ZNF407: variants seen among roughly 807,000 people sequenced by gnomAD.
The protein encoded by ZNF407 is zinc finger protein 407.
In ZNF407, 17 loss-of-function variants were observed where a neutral mutation model predicts 131.2. The ratio of observed to expected loss-of-function variants is 0.13; its 90% CI spans 0.09 to 0.19. The LOEUF is 0.19. Ranked by LOEUF, ZNF407 falls within the 10% of genes least tolerant of loss-of-function variation. The probability of loss-of-function intolerance (pLI) is 1.00; values close to 1 mark genes in which losing one functional copy is unlikely to be tolerated. For synonymous variants in ZNF407, 1,156 were observed against 1,062.0 expected (o/e 1.09, Z -1.72); for missense variants, 2,681 against 2,830.6 (o/e 0.95, Z 1.20).
intron 3 of ZNF407, among the ~76,000 whole-genome samples, chr18:74,685,263 A>G (rs1224614204): frequency 2.6e-5 from 4 of 152,198 alleles, no homozygotes; most frequent in Admixed American, 6.5e-5. Flanking sequence ...AGGAATTCAG[A>G]ATTGATATAA....
At chr18:74,783,812 TA>T (rs1421428576) in intron 4 of ZNF407, among the ~76,000 whole-genome samples, 2 of 152,222 alleles carry the variant, frequency 1.3e-5, no homozygotes, top group Non-Finnish European at 1.5e-5. Flanking sequence ...AACATTCTTC[TA>T]AACCAAACGT....
chr18:74,925,007 G>A (rs999211298), intron 8 of ZNF407, among the ~76,000 whole-genome samples: 1 of 152,132 alleles, frequency 6.6e-6, no homozygotes, highest in Non-Finnish European at 1.5e-5. Flanking sequence ...TTCTCTCTGA[G>A]ACCTTAAATG....
rs573538686 is a variant in ZNF407, at chr18:74,914,506, T to G, written c.5250-6008T>G. Reference sequence around the variant, plus strand: ...GCCCAGGAATAGCTTTTACCAACTCTCTGACTTCCCAGGTGAAGATTTTGT... The same window carrying G: ...GCCCAGGAATAGCTTTTACCAACTCGCTGACTTCCCAGGTGAAGATTTTGT... On this transcript the variant is annotated intron_variant, in intron 7 of 8. Transcript: ENST00000299687. 4.6e-5 allele frequency among the ~76,000 whole-genome samples: 7 copies of G among 152,292 alleles called. No individual in the cohort carries two copies. The East Asian group carries it at 1.4e-3, about 29-fold the overall frequency.
At chr18:75,053,750 C>A (rs912310238) in intron 8 of ZNF407, among the ~76,000 whole-genome samples, 3 of 152,236 alleles carry the variant, frequency 2.0e-5, no homozygotes, top group African/African-American at 4.8e-5. Flanking sequence ...CCCACTCGGT[C>A]CTGCCGTGTG....
At chr18:74,805,021 T>C (rs935552510) in intron 4 of ZNF407, among the ~76,000 whole-genome samples, 2 of 152,210 alleles carry the variant, frequency 1.3e-5, no homozygotes, top group Non-Finnish European at 2.9e-5. Context: ...GCAATTGACA[T>C]TATGTGCACA....
At chr18:75,012,996 A>G (rs1379930765) in intron 8 of ZNF407, among the ~76,000 whole-genome samples, 1 of 150,830 alleles carries the variant, frequency 6.6e-6, no homozygotes, top group Non-Finnish European at 1.5e-5. Context: ...AACGTGTGTC[A>G]CTATGATAAC....
In ZNF407 at chr18:74,703,424, T is replaced by C. The variant is rs962204724; in HGVS notation, c.4802+62302T>C. Among the ~76,000 whole-genome samples the C allele has an allele frequency of 6.6e-6, 1 of 152,134 alleles. No homozygotes were observed. Among genetic ancestry groups the C allele is most frequent in the Non-Finnish European group, 1.5e-5 (1 of 68,024 alleles). On this transcript the variant is annotated intron_variant, in intron 3 of 8. Transcript: ENST00000299687. This position sits in a 1 kb window ranked among gnomAD's most constrained non-coding sequence, Gnocchi z 4.1. ...TCTTGTTGCCCAGGCTGGAGTGCAATGGTGCAATCTCGGCTCACCGCAACC... is the reference window on the plus strand; with the variant it reads ...TCTTGTTGCCCAGGCTGGAGTGCAACGGTGCAATCTCGGCTCACCGCAACC...
intron 7 of ZNF407, among the ~76,000 whole-genome samples, chr18:74,907,791 GGT>G (rs1235274774): frequency 6.6e-6 from 1 of 152,134 alleles, no homozygotes; most frequent in East Asian, 1.9e-4. Context: ...AACTTTCAAG[GGT>G]GTGTGTATAT....
chr18:74,800,741 C>T (rs1490013192), intron 4 of ZNF407, among the ~76,000 whole-genome samples: 8 of 152,014 alleles, frequency 5.3e-5, no homozygotes, highest in African/African-American at 1.9e-4. Context: ...TAGTTTGCTT[C>T]CTAGGTAGAA....
chr18:75,023,514 C>T (rs953329074), intron 8 of ZNF407, among the ~76,000 whole-genome samples: 3 of 152,036 alleles, frequency 2.0e-5, no homozygotes, highest in Admixed American at 6.6e-5. Context: ...TAATAACTAC[C>T]TGTCTAAGTA....
intron 8 of ZNF407, among the ~76,000 whole-genome samples, chr18:75,020,686 A>G (rs771229842): frequency 2.3e-4 from 35 of 152,316 alleles, no homozygotes; most frequent in Non-Finnish European, 2.5e-4. Context: ...CCCATTCACA[A>G]TTGTAACAAA....
chr18:74,950,554 AG>A (rs574912740), intron 8 of ZNF407, among the ~76,000 whole-genome samples: 91 of 152,328 alleles, frequency 6.0e-4, no homozygotes, highest in Non-Finnish European at 1.1e-3. Context: ...CTCTTATCCA[AG>A]GAAGGAGAAA....
intron 1 of ZNF407, among the ~76,000 whole-genome samples, chr18:74,625,373 C>T (rs1028372925): frequency 1.3e-5 from 2 of 151,644 alleles, no homozygotes; most frequent in Non-Finnish European, 1.5e-5. Context: ...TATGTGCGTA[C>T]GTATGTATGT....
chr18:74,915,373 G>T (rs1463140362), intron 7 of ZNF407, among the ~76,000 whole-genome samples: 1 of 146,616 alleles, frequency 6.8e-6, no homozygotes, highest in Non-Finnish European at 1.5e-5. Context: ...CTGGTATGGT[G>T]AGGTTGTATG....
chr18:74,965,361 A>G (rs1462735784), intron 8 of ZNF407, among the ~76,000 whole-genome samples: 1 of 151,912 alleles, frequency 6.6e-6, no homozygotes, highest in Admixed American at 6.6e-5. Flanking sequence ...CATGAGTTCA[A>G]TTGTTTTAAT....
At chr18:74,727,437 A>G (rs1050366002) in intron 3 of ZNF407, among the ~76,000 whole-genome samples, 11 of 152,092 alleles carry the variant, frequency 7.2e-5, no homozygotes, top group African/African-American at 9.7e-5. Context: ...TTTTGTGAAG[A>G]TTATATATCG....
intron 8 of ZNF407, among the ~76,000 whole-genome samples, chr18:75,054,216 C>G (rs1973535229): frequency 6.6e-6 from 1 of 152,230 alleles, no homozygotes; most frequent in African/African-American, 2.4e-5. Flanking sequence ...GATGTTAGAC[C>G]TCCGAAAGCT....
intron 1 of ZNF407, among the ~76,000 whole-genome samples, chr18:74,617,926 C>A (rs1983385254): frequency 6.6e-6 from 1 of 152,130 alleles, no homozygotes; most frequent in Non-Finnish European, 1.5e-5. Flanking sequence ...TTTTCTATCT[C>A]CAGCACTCCC....
intron 1 of ZNF407, among the ~76,000 whole-genome samples, chr18:74,612,982 G>GT (rs924688488): frequency 6.6e-6 from 1 of 152,036 alleles, no homozygotes; most frequent in Non-Finnish European, 1.5e-5. Flanking sequence ...ATCTTAGTAA[G>GT]TTTTTTTTAA....
Sources: gnomAD v4.1 joint callset for allele counts (sites outside exome capture counted in the v4.1 genomes callset) on GRCh38, gnomAD v4.1.1 for gene constraint, Gnocchi (gnomAD v3.1) non-coding constraint, MANE v1.5 for transcripts, NCBI Gene and HGNC (gene_info 2026-07-23, HGNC 2026-07-21) for gene names.